The following CHRNA7 variants were observed in gnomAD, a reference collection of about 807,000 sequenced individuals.
CHRNA7 encodes the protein neuronal acetylcholine receptor subunit alpha-7.
A neutral mutation model predicts 48.0 loss-of-function variants in CHRNA7; 17 were observed. The ratio of observed to expected loss-of-function variants is 0.35; its 90% CI spans 0.24 to 0.53. CHRNA7 has a LOEUF of 0.53. Among genes scored for constraint, CHRNA7 ranks in the 20% least tolerant of loss-of-function variants. CHRNA7 has a pLI of 0.92. For missense variants in CHRNA7, 155 were observed against 577.7 expected (o/e 0.27, Z 7.50); for synonymous variants, 75 against 242.3 (o/e 0.31, Z 6.41).
At chr15:32,106,360 A>G (rs2050669191) in intron 3 of CHRNA7, among the ~76,000 whole-genome samples, 3 of 152,228 alleles carry the variant, frequency 2.0e-5, no homozygotes, top group African/African-American at 7.2e-5. Context: ...TCTGTTTATT[A>G]AAAATGGAAA....
chr15:32,044,018 AG>A (rs1187798528), intron 2 of CHRNA7, among the ~76,000 whole-genome samples: 2 of 152,182 alleles, frequency 1.3e-5, no homozygotes, highest in South Asian at 4.1e-4. Flanking sequence ...TTCTGACTTC[AG>A]TACTTCTCTT....
rs34200550 is a variant in CHRNA7 at position 32,059,944 on chromosome 15, CAAAAAAAAAAAAAAA to C, written c.195+28923_195+28937del. Among the ~76,000 whole-genome samples the C allele has an allele frequency of 9.1e-5, 3 of 33,052 alleles. No individual in the cohort carries two copies. In the South Asian group the frequency reaches 7.8e-3, roughly 86 times the overall value. The allele number at this position is 33,052 out of a possible 152,430, so 21.7% of individuals were successfully genotyped here. On this transcript the variant is annotated intron_variant, in intron 2 of 9. Coordinates refer to ENST00000306901, the MANE Select transcript of CHRNA7 (RefSeq NM_000746.6). ...ATCTCTGAAACGCCAAGTAGAAAAG[CAAAAAAAAAAAAAAA>C]AAAAAAAAAAAAAAAGTGTTTTCAT...
At chr15:32,145,607 C>A (rs1359783150) in intron 4 of CHRNA7, among the ~76,000 whole-genome samples, 1 of 152,194 alleles carries the variant, frequency 6.6e-6, no homozygotes, top group Non-Finnish European at 1.5e-5. Context: ...CTTTGTTTAC[C>A]TACTCAAGCC....
intron 4 of CHRNA7, among the ~76,000 whole-genome samples, chr15:32,114,061 C>CATATATAT (rs35944403): frequency 8.3e-6 from 1 of 120,226 alleles, no homozygotes; most frequent in African/African-American, 3.3e-5. Context: ...TATATATATA[C>CATATATAT]ATATATATAT....
intron 4 of CHRNA7, among the ~76,000 whole-genome samples, chr15:32,113,375 T>C (rs1017863719): frequency 4.6e-5 from 7 of 152,194 alleles, no homozygotes; most frequent in African/African-American, 1.7e-4. Flanking sequence ...TGTCTTCAAA[T>C]AGAGCCACAC....
chr15:32,129,045 T>A (rs554131755), intron 4 of CHRNA7, among the ~76,000 whole-genome samples: 1 of 152,086 alleles, frequency 6.6e-6, no homozygotes, highest in African/African-American at 2.4e-5. Context: ...CATCTTAATA[T>A]GGTAGATTAC....
intron 3 of CHRNA7, 80 bp from the exon 4 acceptor site, chr15:32,111,710 T>A (rs1329776073): frequency 6.4e-6 from 5 of 776,930 alleles, no homozygotes; most frequent in Non-Finnish European, 1.1e-5. Flanking sequence ...TCTTTGGTTT[T>A]GCACTTACCT....
At chr15:32,032,443 A>G (rs1422735202) in intron 2 of CHRNA7, among the ~76,000 whole-genome samples, 1 of 152,204 alleles carries the variant, frequency 6.6e-6, no homozygotes, top group Non-Finnish European at 1.5e-5. Context: ...CTTTCCGGCT[A>G]ATAAAATGCA....
intron 3 of CHRNA7, among the ~76,000 whole-genome samples, chr15:32,105,929 G>T (rs1461819635): frequency 1.3e-5 from 2 of 152,186 alleles, no homozygotes; most frequent in African/African-American, 4.8e-5. Flanking sequence ...GCCAGTGCCT[G>T]TGTCTCTCTG....
chr15:32,067,320 CA>C (rs1388290552), intron 2 of CHRNA7, among the ~76,000 whole-genome samples: 1 of 152,200 alleles, frequency 6.6e-6, no homozygotes, highest in Non-Finnish European at 1.5e-5. Flanking sequence ...ATCAGATGAA[CA>C]GCTGATTTCT....
intron 2 of CHRNA7, among the ~76,000 whole-genome samples, chr15:32,098,091 G>A (rs2050502518): frequency 6.6e-6 from 1 of 152,224 alleles, no homozygotes; most frequent in African/African-American, 2.4e-5. Flanking sequence ...TCCACACTCA[G>A]AGGTGTGGCC....
chr15:32,101,526 A>G, intron 3 of CHRNA7, 179 bp downstream of exon 3: 2 of 656,630 alleles, frequency 3.0e-6, no homozygotes, highest in Non-Finnish European at 2.7e-6. Flanking sequence ...TGCTGGCTGT[A>G]TGACACTACA....
At chr15:32,136,867 T>TG (rs2051269772) in intron 4 of CHRNA7, among the ~76,000 whole-genome samples, 1 of 145,470 alleles carries the variant, frequency 6.9e-6, no homozygotes, top group African/African-American at 2.6e-5. Flanking sequence ...CCGTCTCTAC[T>TG]AAAAATACAA....
chr15:32,151,408 A>G (rs933217744), intron 4 of CHRNA7, among the ~76,000 whole-genome samples: 5 of 152,148 alleles, frequency 3.3e-5, no homozygotes, highest in African/African-American at 1.2e-4. Flanking sequence ...CCAAGGAAAT[A>G]TATGTTGGGA....
chr15:32,048,352 G>A (rs1275785047), intron 2 of CHRNA7, among the ~76,000 whole-genome samples: 1 of 152,182 alleles, frequency 6.6e-6, no homozygotes, highest in African/African-American at 2.4e-5. Flanking sequence ...TTCAGCTCCT[G>A]TTACTGGTCT....
chr15:32,055,960 C>G (rs968860496), intron 2 of CHRNA7, among the ~76,000 whole-genome samples: 1 of 151,546 alleles, frequency 6.6e-6, no homozygotes, highest in Admixed American at 6.6e-5. Flanking sequence ...GCCTGGGTGA[C>G]AGAGCGAGAC....
At chr15:32,153,009 G>T (rs922231208) in intron 4 of CHRNA7, among the ~76,000 whole-genome samples, 2 of 151,870 alleles carry the variant, frequency 1.3e-5, no homozygotes, top group Non-Finnish European at 2.9e-5. Context: ...TCTAAAACTC[G>T]CACTTACTTC....
At chr15:32,119,255 T>C (rs2050925564) in intron 4 of CHRNA7, among the ~76,000 whole-genome samples, 2 of 152,260 alleles carry the variant, frequency 1.3e-5, no homozygotes, top group African/African-American at 4.8e-5. Flanking sequence ...GTTGTCTTTG[T>C]ATGTGTCTGC....
chr15:32,136,563 A>G (rs1414182868), intron 4 of CHRNA7, among the ~76,000 whole-genome samples: 1 of 152,070 alleles, frequency 6.6e-6, no homozygotes, highest in Non-Finnish European at 1.5e-5. Flanking sequence ...TAACTTGGAC[A>G]GTGCTTGGAG....
Sources: gnomAD v4.1 joint callset for allele counts (sites outside exome capture counted in the v4.1 genomes callset) on GRCh38, gnomAD v4.1.1 for gene constraint, MANE v1.5 for transcripts, NCBI Gene and HGNC (gene_info 2026-07-23, HGNC 2026-07-21) for gene names.